Variants in IAH1 observed in about 807,000 individuals in gnomAD.
IAH1 encodes the protein isoamyl acetate-hydrolyzing esterase 1 homolog.
Under a neutral mutation model 26.7 loss-of-function variants are expected in IAH1, and 24 were observed. That is an observed-to-expected ratio of 0.90 (90% CI 0.65 to 1.26). The LOEUF is 1.26. IAH1 is among the 50% of genes most tolerant of loss of function. The pLI is 0.00. For synonymous variants in IAH1, 140 were observed against 118.5 expected (o/e 1.18, Z -1.18); for missense variants, 300 against 299.9 (o/e 1.00, Z 0.00).
At chr2:9,482,287 C>T (rs1661231914) in intron 4 of IAH1, among the ~76,000 whole-genome samples, 1 of 152,168 alleles carries the variant, frequency 6.6e-6, no homozygotes, top group Non-Finnish European at 1.5e-5. Flanking sequence ...CTCAGCCTCC[C>T]AAAGTGCTGG....
intron 5 of IAH1, chr2:9,485,928 G>A (rs1046042835): frequency 6.6e-6 from 1 of 152,208 alleles, no homozygotes; most frequent in Non-Finnish European, 1.5e-5. Flanking sequence ...AGGGAAGGAA[G>A]GATCCAGTGT....
chr2:9,474,908 G>A lies in IAH1; in HGVS notation c.81+261G>A, dbSNP rs546062180. 3.0e-6 allele frequency: 2 copies of A among 665,424 alleles called. No homozygotes were observed. The highest frequency in any genetic ancestry group is 6.0e-5 in the East Asian group (1 of 16,546). 41.2% of individuals were successfully genotyped at this position (665,424 alleles called of 1,614,324 possible). A position where few individuals can be genotyped will look rare whatever the true frequency, so the allele number is the denominator to read the frequency against. ...GCGAGGGGACCCGGCCGCGCTGCCC[G>A]CCCCGCGCCGCCTCCCACCCGGGTC... On this transcript the variant is annotated intron_variant, in intron 1 of 5. Coordinates refer to ENST00000497473, the MANE Select transcript of IAH1 (RefSeq NM_001039613.3). This position sits in a 1 kb window ranked among gnomAD's most constrained non-coding sequence, Gnocchi z 4.3.
intron 4 of IAH1, among the ~76,000 whole-genome samples, chr2:9,484,157 C>G (rs1661345002): frequency 6.6e-6 from 1 of 152,202 alleles, no homozygotes; most frequent in Non-Finnish European, 1.5e-5. Flanking sequence ...TGCCTCTGTT[C>G]AAGGTGTCCT....
intron 3 of IAH1, among the ~76,000 whole-genome samples, chr2:9,479,909 A>T (rs781255826): frequency 5.5e-5 from 8 of 144,678 alleles, no homozygotes; most frequent in Non-Finnish European, 1.0e-4. Flanking sequence ...CCCAGGTTCA[A>T]ATGATTCTCC....
chr2:9,476,019 G>A lies in IAH1; in HGVS notation c.114G>A (p.Ser38=), dbSNP rs1268781471. The A allele has an allele frequency of 6.2e-6, 10 of 1,613,498 alleles. No homozygotes were observed. The highest frequency in any genetic ancestry group is 2.2e-5 in the East Asian group (1 of 44,882). Residue 38 remains serine (S), a synonymous_variant, in exon 2 of 6, where the codon TCG becomes TCA. Coordinates refer to ENST00000497473, the MANE Select transcript of IAH1 (RefSeq NM_001039613.3). ...TCCAGCAGGGTGGATGGGGAGCATCGCTGGCTGACAGGCTGGTCAGGTGAG... is the reference window on the plus strand; with the variant it reads ...TCCAGCAGGGTGGATGGGGAGCATCACTGGCTGACAGGCTGGTCAGGTGAG... ...FSFQQGGWGA[S]LADRLVRKCD...
At chr2:9,490,013 G>A (rs1341584476), downstream of IAH1, 1 of 620,598 alleles carries the variant, frequency 1.6e-6, no homozygotes, top group Non-Finnish European at 2.7e-6. Context: ...AAAAGGAGAA[G>A]GGCCAAACCA....
At chr2:9,479,776 C>T (rs985901397) in intron 3 of IAH1, among the ~76,000 whole-genome samples, 3 of 129,034 alleles carry the variant, frequency 2.3e-5, no homozygotes, top group Non-Finnish European at 3.1e-5. Flanking sequence ...GATGTGTGTG[C>T]GGAGATTTCT....
At chr2:9,508,473 T>C in the IAH1 span, among the ~76,000 whole-genome samples, 1 of 152,256 alleles carries the variant, frequency 6.6e-6, no homozygotes, top group Non-Finnish European at 1.5e-5. Flanking sequence ...TTCAAGTATA[T>C]AACTCAGTGA....
chr2:9,511,436 G>A, the IAH1 span, among the ~76,000 whole-genome samples: 40 of 151,638 alleles, frequency 2.6e-4, no homozygotes, highest in African/African-American at 9.0e-4. Flanking sequence ...GGCAACAAGA[G>A]TGAAACTCTA....
the IAH1 span, among the ~76,000 whole-genome samples, chr2:9,508,981 C>A: frequency 8.9e-6 from 1 of 112,988 alleles, no homozygotes; most frequent in Non-Finnish European, 2.1e-5. Context: ...AGAAAATATA[C>A]ATAAAAAGCC....
At chr2:9,483,640 T>G (rs973308249) in intron 4 of IAH1, among the ~76,000 whole-genome samples, 2 of 152,086 alleles carry the variant, frequency 1.3e-5, no homozygotes, top group Non-Finnish European at 2.9e-5. Flanking sequence ...CTGTCCTGTT[T>G]GCAGCCTCCT....
downstream of IAH1, chr2:9,492,949 C>T (rs759960474): frequency 2.4e-5 from 39 of 1,612,190 alleles, no homozygotes; most frequent in Non-Finnish European, 3.1e-5. Flanking sequence ...AGGAGAAAAC[C>T]AGGACAGACC....
At chr2:9,510,663 C>CA in the IAH1 span, among the ~76,000 whole-genome samples, 2,351 of 84,600 alleles carry the variant, frequency 0.028, 26 homozygotes, top group South Asian at 0.049. Context: ...GACTTCGTCT[C>CA]AAAAAAAAAA....
At chr2:9,509,679 T>C in the IAH1 span, among the ~76,000 whole-genome samples, 2 of 152,324 alleles carry the variant, frequency 1.3e-5, no homozygotes, top group Admixed American at 1.3e-4. Context: ...ACATAAAGCC[T>C]GAGCCCACCA....
chr2:9,490,770 C>G (rs1273204412), downstream of IAH1, among the ~76,000 whole-genome samples: 2 of 152,162 alleles, frequency 1.3e-5, no homozygotes, highest in African/African-American at 4.8e-5. Context: ...ACTTACTTAC[C>G]ATTTGAAGAC....
chr2:9,493,844 C>G, downstream of IAH1: 1 of 1,588,570 alleles, frequency 6.3e-7, no homozygotes, highest in Non-Finnish European at 8.6e-7. Flanking sequence ...AAAAAACATA[C>G]ATACAGCATC....
In IAH1 at chr2:9,484,679, C is replaced by G. The variant is rs1661376233; in HGVS notation, c.564+129C>G. 4 of 634,910 alleles carry G rather than the reference C, an allele frequency of 6.3e-6. No individual in the cohort carries two copies. In the South Asian group the frequency reaches 7.6e-5, roughly 12 times the overall value. 39.3% of individuals were successfully genotyped at this position (634,910 alleles called of 1,614,324 possible). On this transcript the variant is annotated intron_variant, in intron 5 of 5. Coordinates refer to ENST00000497473, the MANE Select transcript of IAH1 (RefSeq NM_001039613.3). ...CAGTCATCCCTTTAGCCAATGAAAA[C>G]AAACAGGCTTGGGGGAGGGGAGGAA...
In IAH1 at chr2:9,488,150, T is replaced by G; in HGVS notation, c.568T>G (p.Phe190Val). The part of the protein sequence containing the change: ...LWTLMQDSQD[F>V]SSYLSDGLHL... ...AACCGATTTCTCTCCCTTCTAGGAC[T>G]TCTCATCTTATTTATCAGATGGACT... Residue 190 changes from phenylalanine (F) to valine (V), a missense_variant, in exon 6 of 6, where the codon TTC (phenylalanine) becomes GTC (valine). By Grantham distance (50) the Phe-to-Val change is conservative. Coordinates refer to ENST00000497473, the MANE Select transcript of IAH1 (RefSeq NM_001039613.3). 1 of 1,603,008 alleles carries G rather than the reference T, an allele frequency of 6.2e-7. No individual in the cohort carries two copies.
downstream of IAH1, chr2:9,497,213 C>T (rs549183501): frequency 3.3e-5 from 54 of 1,614,260 alleles, 1 homozygote; most frequent in South Asian, 5.0e-4. Flanking sequence ...GTGTCATCTT[C>T]AGCATTTCCT....
Sources: allele counts gnomAD v4.1 joint callset (sites outside exome capture counted in the v4.1 genomes callset), GRCh38; gene constraint gnomAD v4.1.1; non-coding constraint Gnocchi (gnomAD v3.1); transcripts MANE v1.5; gene names NCBI Gene and HGNC (gene_info 2026-07-23, HGNC 2026-07-21).